DESI2: variants seen among roughly 807,000 people sequenced by gnomAD.
DESI2 encodes desumoylating isopeptidase 2.
DESI2 carries 10 observed loss-of-function variants against 24.1 expected under a neutral mutation model. That is an observed-to-expected ratio of 0.41 (90% confidence interval 0.26 to 0.70). The LOEUF (loss-of-function observed/expected upper bound fraction) is 0.70, where lower values mean the gene tolerates loss of function less well. Ranked by LOEUF, DESI2 falls within the 30% of genes least tolerant of loss-of-function variation. The probability of loss-of-function intolerance (pLI) is 0.29; values close to 1 mark genes in which losing one functional copy is unlikely to be tolerated. For missense variants in DESI2, 122 were observed against 234.9 expected (o/e 0.52, Z 3.14); for synonymous variants, 71 against 87.7 (o/e 0.81, Z 1.06).
At chr1:244,700,960 A>G (rs6679015) in intron 4 of DESI2, among the ~76,000 whole-genome samples, 103,137 of 152,020 alleles carry the variant, frequency 0.68, 35,456 homozygotes, top group South Asian at 0.81. Context: ...ATTTATTTCT[A>G]TGTGGTTATG....
chr1:244,694,307 GA>G, intron 4 of DESI2: 1 of 433,476 alleles, frequency 2.3e-6, no homozygotes, highest in Admixed American at 3.1e-5. Context: ...TTTAAGGACT[GA>G]AAAAAGCCAA....
At chr1:244,705,046 G>T (rs1459618806) in intron 4 of DESI2, among the ~76,000 whole-genome samples, 2 of 152,148 alleles carry the variant, frequency 1.3e-5, no homozygotes, top group Non-Finnish European at 2.9e-5. Flanking sequence ...GTCAGGGAGA[G>T]AAGTAAAGGG....
chr1:244,677,842 C>T (rs1676462575), intron 1 of DESI2, among the ~76,000 whole-genome samples: 1 of 152,100 alleles, frequency 6.6e-6, no homozygotes, highest in Admixed American at 6.5e-5. Flanking sequence ...ATTGCTTCAG[C>T]CCAGGGGTTT....
intron 1 of DESI2, among the ~76,000 whole-genome samples, chr1:244,681,158 G>C (rs1172542660): frequency 6.6e-6 from 1 of 151,946 alleles, no homozygotes; most frequent in African/African-American, 2.4e-5. Context: ...CCCTAACTTT[G>C]AATCAACCAT....
Position 244,685,258 on chromosome 1 carries a change from A to G in DESI2, c.43-1339A>G, listed in dbSNP as rs564772442. Among the ~76,000 whole-genome samples the G allele has an allele frequency of 3.9e-5, 6 of 152,264 alleles. No individual in the cohort carries two copies. The East Asian group carries it at 1.2e-3, about 29-fold the overall frequency. ...TCCCACCTAAAATTTTTAAAACTCT[A>G]TTCCCTTCTATCCATATATAGTTAT... On this transcript the variant is annotated intron_variant, in intron 1 of 4. Transcript: ENST00000302550.
At chr1:244,690,427 C>T (rs1044402649) in intron 3 of DESI2, among the ~76,000 whole-genome samples, 6 of 152,070 alleles carry the variant, frequency 3.9e-5, no homozygotes, top group African/African-American at 1.2e-4. Flanking sequence ...TATTTAGGGC[C>T]GGGTGCAGTG....
intron 1 of DESI2, among the ~76,000 whole-genome samples, chr1:244,664,975 A>G (rs958347801): frequency 6.6e-6 from 1 of 152,172 alleles, no homozygotes; most frequent in African/African-American, 2.4e-5. Context: ...ATGCTTCCCC[A>G]TGTTAATTTG....
At chr1:244,673,264 T>C (rs1382473386) in intron 1 of DESI2, among the ~76,000 whole-genome samples, 1 of 152,212 alleles carries the variant, frequency 6.6e-6, no homozygotes, top group East Asian at 1.9e-4. Context: ...GGCATCTCTT[T>C]CTCTAACCAA....
At chr1:244,659,195 G>C (rs1333967912) in intron 1 of DESI2, among the ~76,000 whole-genome samples, 1 of 149,586 alleles carries the variant, frequency 6.7e-6, no homozygotes, top group Non-Finnish European at 1.5e-5. Flanking sequence ...TTTTAGGGGG[G>C]AAGGGGGTGG....
intron 1 of DESI2, among the ~76,000 whole-genome samples, chr1:244,681,780 T>C (rs753054427): frequency 3.9e-5 from 6 of 152,242 alleles, no homozygotes; most frequent in Non-Finnish European, 7.3e-5. Context: ...ATTTCTTTTT[T>C]ATTATCTGTG....
chr1:244,694,087 A>G (rs1159431341), intron 4 of DESI2, among the ~76,000 whole-genome samples: 2 of 152,220 alleles, frequency 1.3e-5, no homozygotes, highest in Non-Finnish European at 2.9e-5. Context: ...AATCATCACT[A>G]TATTAATAAT....
At chr1:244,668,632 T>C (rs186182983) in intron 1 of DESI2, among the ~76,000 whole-genome samples, 7 of 152,288 alleles carry the variant, frequency 4.6e-5, no homozygotes, top group Non-Finnish European at 1.0e-4. Flanking sequence ...TTATATTAAG[T>C]GTTTTAAGTT....
rs1677726340 is a variant in DESI2 at position 244,706,843 on chromosome 1, A to T, written c.*1054A>T. On this transcript the variant is annotated 3_prime_UTR_variant, in exon 5 of 5. Transcript: ENST00000302550. ...GCGTTTGTCATGGGACTCATTTCAC[A>T]TAATAGAATGCCTAGTCTCATTGAC... The T allele has an allele frequency of 6.5e-6, 1 of 152,694 alleles. No homozygotes were observed. Among genetic ancestry groups the T allele is most frequent in the Admixed American group, 6.5e-5 (1 of 15,288 alleles). 9.5% of individuals were successfully genotyped at this position (152,694 alleles called of 1,614,324 possible).
At chr1:244,672,748 A>G (rs993566156) in intron 1 of DESI2, among the ~76,000 whole-genome samples, 1 of 152,062 alleles carries the variant, frequency 6.6e-6, no homozygotes, top group African/African-American at 2.4e-5. Flanking sequence ...ATGGTGGCAT[A>G]TGCCTGTAAT....
chr1:244,682,596 A>C (rs939893060), intron 1 of DESI2, among the ~76,000 whole-genome samples: 2 of 152,186 alleles, frequency 1.3e-5, no homozygotes, highest in African/African-American at 4.8e-5. Flanking sequence ...AGATATTTGC[A>C]TATGACAGGG....
At chr1:244,682,829 C>T (rs1302822152) in intron 1 of DESI2, among the ~76,000 whole-genome samples, 2 of 144,526 alleles carry the variant, frequency 1.4e-5, no homozygotes, top group Non-Finnish European at 3.0e-5. Context: ...CATTCTCATA[C>T]AAAAGCATGT....
At chr1:244,686,817 C>G (rs1309414387) in intron 2 of DESI2, 148 bp downstream of exon 2, 2 of 532,040 alleles carry the variant, frequency 3.8e-6, no homozygotes, top group Non-Finnish European at 6.6e-6. Context: ...TTCATTTATA[C>G]TGCGTTTTGG....
At chr1:244,667,350 G>T (rs1431642844) in intron 1 of DESI2, among the ~76,000 whole-genome samples, 2 of 152,144 alleles carry the variant, frequency 1.3e-5, no homozygotes, top group Admixed American at 6.5e-5. Context: ...AAACAGAGGG[G>T]TTAAAGGGCC....
chr1:244,686,735 A>G (rs376995751), intron 2 of DESI2, 66 bp downstream of exon 2: 396 of 997,548 alleles, frequency 4.0e-4, no homozygotes, highest in Non-Finnish European at 5.3e-4. Flanking sequence ...TTGCAAAATC[A>G]TAACTATAGG....
Sources: allele counts gnomAD v4.1 joint callset (sites outside exome capture counted in the v4.1 genomes callset), GRCh38; gene constraint gnomAD v4.1.1; transcripts MANE v1.5; gene names NCBI Gene and HGNC (gene_info 2026-07-23, HGNC 2026-07-21).